Variants in EIF4A2 observed in about 807,000 individuals in gnomAD.
EIF4A2 encodes eukaryotic initiation factor 4A-II.
A neutral mutation model predicts 50.6 loss-of-function variants in EIF4A2; 9 were observed. That is an observed-to-expected ratio of 0.18 (90% CI 0.11 to 0.31). EIF4A2 has a LOEUF of 0.31. EIF4A2 is among the 10% of genes least tolerant of loss of function. EIF4A2 has a pLI of 1.00. For synonymous variants in EIF4A2, 215 were observed against 164.4 expected (o/e 1.31, Z -2.35); for missense variants, 182 against 501.8 (o/e 0.36, Z 6.09).
chr3:186,785,159 C>A, intron 4 of EIF4A2, 58 bp downstream of exon 4: 1 of 1,600,226 alleles, frequency 6.2e-7, no homozygotes, highest in East Asian at 2.2e-5. Flanking sequence ...TCAGGTTTCA[C>A]AACTGTGAAG....
chr3:186,788,982 C>G, intron 10 of EIF4A2, 143 bp from the exon 11 acceptor site: 1 of 1,187,426 alleles, frequency 8.4e-7, no homozygotes, highest in Non-Finnish European at 1.1e-6. Context: ...TCTAGATATG[C>G]ATTAGCAGCT....
chr3:186,784,926 T>C lies in EIF4A2; in HGVS notation c.209-36T>C, dbSNP rs377269772. On this transcript the variant is annotated intron_variant, in intron 3 of 10. Transcript: ENST00000323963. ...GTGTGAAGTAGAAGTGACAATTTGA[T>C]GTGGGATCGGTAAATGTGTATCCTA... The C allele has an allele frequency of 5.4e-5, 87 of 1,614,054 alleles. No homozygotes were observed. In the African/African-American group the frequency reaches 1.0e-3, roughly 19 times the overall value.
intron 1 of EIF4A2, 111 bp downstream of exon 1, chr3:186,783,750 G>A: frequency 2.6e-6 from 4 of 1,551,090 alleles, no homozygotes; most frequent in South Asian, 1.1e-5. Context: ...CGTTTTCTTA[G>A]GGTACAGCAC....
Position 186,789,324 on chromosome 3 carries a change from CA to C in EIF4A2, c.*57del, listed in dbSNP as rs1424366887. ...CTCGCTGTTGCTGAATAGGCGATCA[CA>C]ACGTGCATTGTGCTTCTTTCTTTGG... On this transcript the variant is annotated 3_prime_UTR_variant, in exon 11 of 11. Coordinates refer to ENST00000323963, the MANE Select transcript of EIF4A2 (RefSeq NM_001967.4). 4.3e-5 allele frequency: 67 copies of C among 1,558,578 alleles called. No individual in the cohort carries two copies. Among genetic ancestry groups the C allele is most frequent in the Non-Finnish European group, 5.5e-5 (63 of 1,151,308 alleles).
At chr3:186,788,364 A>C (rs1721894927) in intron 10 of EIF4A2, 1 of 1,289,794 alleles carries the variant, frequency 7.8e-7, no homozygotes, top group Non-Finnish European at 1.0e-6. Flanking sequence ...CGTTGACGTA[A>C]TTTAGGACGT....
In EIF4A2 at chr3:186,783,657, G is replaced by T; in HGVS notation, c.29+18G>T. 6.2e-7 allele frequency: 1 copy of T among 1,614,128 alleles called. No individual in the cohort carries two copies. On this transcript the variant is annotated intron_variant, in intron 1 of 10. Coordinates refer to ENST00000323963, the MANE Select transcript of EIF4A2 (RefSeq NM_001967.4). ...TATAACAGGTATGCAGTCTGTTGGCGGTCGCGGTCTGTAGTGAAGGTCATA... is the reference window on the plus strand; with the variant it reads ...TATAACAGGTATGCAGTCTGTTGGCTGTCGCGGTCTGTAGTGAAGGTCATA...
chr3:186,789,045 G>GTGGTTAACAAGTGGATCGTCA, intron 10 of EIF4A2, 80 bp from the exon 11 acceptor site: 1 of 1,504,964 alleles, frequency 6.6e-7, no homozygotes, highest in Non-Finnish European at 8.9e-7. Flanking sequence ...ACAGCAGCTG[G>GTGGTTAACAAGTGGATCGTCA]TGGTTAACAA....
chr3:186,788,071 C>T lies in EIF4A2; in HGVS notation c.1079+189C>T, dbSNP rs144295418. 6.3e-4 allele frequency: 472 copies of T among 746,682 alleles called. 4 individuals are homozygous for T. In the African/African-American group the frequency reaches 7.8e-3, roughly 12 times the overall value. 46.3% of individuals were successfully genotyped at this position (746,682 alleles called of 1,614,324 possible). ...AGTGGGAAAACTTGTAAACATTGCCCAGATTGTGGACATAGGGTTTTTTTC... is the reference window on the plus strand; with the variant it reads ...AGTGGGAAAACTTGTAAACATTGCCTAGATTGTGGACATAGGGTTTTTTTC... On this transcript the variant is annotated intron_variant, in intron 10 of 10. Transcript: ENST00000323963.
intron 1 of EIF4A2, chr3:186,784,052 C>T (rs1440833344): frequency 1.2e-5 from 5 of 427,756 alleles, no homozygotes; most frequent in East Asian, 4.4e-5. Flanking sequence ...GCGGTCTCCA[C>T]TCGGCCACGG....
chr3:186,786,343 CA>C, intron 6 of EIF4A2, 70 bp downstream of exon 6: 1 of 1,532,732 alleles, frequency 6.5e-7, no homozygotes, highest in Non-Finnish European at 8.9e-7. Flanking sequence ...TGTTACAATA[CA>C]ACTGATGTGT....
intron 5 of EIF4A2, 46 bp downstream of exon 5, chr3:186,786,097 T>A: frequency 6.2e-7 from 1 of 1,601,336 alleles, no homozygotes; most frequent in South Asian, 1.1e-5. Flanking sequence ...ACTGTTAACA[T>A]AGTTGAAAAG....
Position 186,784,509 on chromosome 3 carries a change from G to GA in EIF4A2, c.75+35dup, listed in dbSNP as rs762317015. 3 of 1,614,198 alleles carry GA rather than the reference G, an allele frequency of 1.9e-6. No individual in the cohort carries two copies. The Admixed American group carries it at 5.0e-5, about 27-fold the overall frequency. ...AACGGTTGTGGATCTTGAAGCTTTG[G>GA]AAAGGTGAGTGTGTTCATCTCATTT... On this transcript the variant is annotated intron_variant, in intron 2 of 10. Transcript: ENST00000323963.
chr3:186,788,462 T>C, intron 10 of EIF4A2: 1 of 1,225,522 alleles, frequency 8.2e-7, no homozygotes, highest in South Asian at 1.4e-5. Context: ...TATTTGATTT[T>C]TAAGTTGCTC....
chr3:186,786,541 G>A lies in EIF4A2; in HGVS notation c.667G>A (p.Glu223Lys), dbSNP rs1309985225. The A allele has an allele frequency of 6.2e-7, 1 of 1,612,960 alleles. No homozygotes were observed. ...TGCCACAATGCCAACTGATGTGTTG[G>A]AAGTGACCAAAAAATTCATGAGAGA... Reference protein sequence around the residue: ...LSATMPTDVLEVTKKFMRDPI... With the variant: ...LSATMPTDVLKVTKKFMRDPI... The change falls in exon 7 of 11, where the codon GAA (glutamate) becomes AAA (lysine). Residue 223 changes from glutamate to lysine, a missense_variant. Glu to Lys is a moderately conservative substitution (Grantham distance 56, BLOSUM62 1). This residue lies in a region of EIF4A2 where 113 missense variants were observed against 357.3 expected (regional missense o/e 0.32). Transcript: ENST00000323963.
intron 7 of EIF4A2, 34 bp from the exon 8 acceptor site, chr3:186,787,093 A>G: frequency 6.2e-7 from 1 of 1,611,046 alleles, no homozygotes; most frequent in South Asian, 1.1e-5. Context: ...GGAAAAACTA[A>G]ATGACTGTTA....
intron 6 of EIF4A2, 100 bp downstream of exon 6, chr3:186,786,373 G>A: frequency 6.6e-7 from 1 of 1,518,832 alleles, no homozygotes; most frequent in African/African-American, 1.4e-5. Flanking sequence ...CGTTCCCCCT[G>A]CTTAAAGCAC....
Position 186,789,381 on chromosome 3 carries a change from A to AAT in EIF4A2, c.*112_*113insAT. On this transcript the variant is annotated 3_prime_UTR_variant, in exon 11 of 11. Transcript: ENST00000323963. ...TTTGAATCTTGTCTCAATGCTCATA[A>AAT]CGGATCAGAAATACAGATTTTGATA... 1 of 1,421,194 alleles carries AAT rather than the reference A, an allele frequency of 7.0e-7. No homozygotes were observed. The highest frequency in any genetic ancestry group is 9.4e-7 in the Non-Finnish European group (1 of 1,064,904). 88.0% of individuals were successfully genotyped at this position (1,421,194 alleles called of 1,614,324 possible).
intron 10 of EIF4A2, chr3:186,788,235 T>C: frequency 8.2e-6 from 10 of 1,226,728 alleles, no homozygotes; most frequent in Non-Finnish European, 9.7e-6. Flanking sequence ...GGTTTAGTTA[T>C]AGTGGCTTTA....
At chr3:186,789,013 G>A (rs185756266) in intron 10 of EIF4A2, 112 bp from the exon 11 acceptor site, 193 of 1,423,278 alleles carry the variant, frequency 1.4e-4, no homozygotes, top group Admixed American at 6.1e-4. Context: ...TTAGAAGCAC[G>A]AACTATAACC....
Sources: allele counts gnomAD v4.1 joint callset, GRCh38; gene constraint gnomAD v4.1.1; regional missense constraint gnomAD v4.1.1; transcripts MANE v1.5; gene names NCBI Gene and HGNC (gene_info 2026-07-23, HGNC 2026-07-21).